The following COQ2 variants were observed in gnomAD, a reference collection of about 807,000 sequenced individuals.
The protein encoded by COQ2 is 4-hydroxybenzoate polyprenyltransferase, mitochondrial.
Under a neutral mutation model 35.7 loss-of-function variants are expected in COQ2, and 25 were observed. That is an observed-to-expected ratio of 0.70 (90% CI 0.51 to 0.98). The LOEUF (loss-of-function observed/expected upper bound fraction) is 0.98. COQ2 is among the 50% of genes least tolerant of loss of function. The pLI is 0.00. For missense variants in COQ2, 488 were observed against 473.5 expected (o/e 1.03, Z -0.28); for synonymous variants, 206 against 186.2 (o/e 1.11, Z -0.86).
chr4:83,264,411 G>A, intron 6 of COQ2, 48 bp from the exon 7 acceptor site: 1 of 1,520,942 alleles, frequency 6.6e-7, no homozygotes, highest in East Asian at 2.5e-5. Context: ...TCTGGACTTT[G>A]GGTCATAACA....
At position 83,270,792 on chromosome 4, in the gene COQ2, G is replaced by A. The variant is rs142869494; in HGVS notation, c.629-799C>T. 4.6e-5 allele frequency among the ~76,000 whole-genome samples: 7 copies of A among 152,256 alleles called. No homozygotes were observed. In the East Asian group the frequency reaches 1.3e-3, roughly 29 times the overall value. ...CCAACTCCTTAAAGATGGTCAGGGT[G>A]TTTTAGTCATTTTTATTTTCCCAGT... is the stretch of plus-strand genomic sequence containing the variant. On this transcript the variant is annotated intron_variant, in intron 4 of 6. Coordinates refer to ENST00000647002, the MANE Select transcript of COQ2 (RefSeq NM_001358921.2).
Position 83,284,701 on chromosome 4 carries a change from G to A in COQ2, c.64C>T (p.Pro22Ser), listed in dbSNP as rs1213572328. 2.0e-6 allele frequency: 3 copies of A among 1,484,846 alleles called. No individual in the cohort carries two copies. The highest frequency in any genetic ancestry group is 4.8e-5 in the Admixed American group (2 of 42,058). 92.0% of individuals were successfully genotyped at this position (1,484,846 alleles called of 1,614,324 possible). The change falls in exon 1 of 7, where the codon CCG becomes TCG. Residue 22 changes from proline (P) to serine (S), a missense_variant. Transcript: ENST00000647002. ...GCGAAGGAGCGGCCCCGCCAGCCCGGCAGCCACGCCAGTGCCACAGCCCGC... is the reference window on the plus strand; with the variant it reads ...GCGAAGGAGCGGCCCCGCCAGCCCGACAGCCACGCCAGTGCCACAGCCCGC... Reference protein sequence around the residue: ...GLRAVALAWLPGWRGRSFALA... With the variant: ...GLRAVALAWLSGWRGRSFALA...
intron 3 of COQ2, among the ~76,000 whole-genome samples, chr4:83,272,737 T>A (rs1735077169): frequency 6.6e-6 from 1 of 152,028 alleles, no homozygotes; most frequent in African/African-American, 2.4e-5. Context: ...ATAATTAGAG[T>A]CAAGATATCC....
At chr4:83,281,099 T>C (rs760386078) in intron 1 of COQ2, among the ~76,000 whole-genome samples, 2 of 152,146 alleles carry the variant, frequency 1.3e-5, no homozygotes, top group African/African-American at 2.4e-5. Flanking sequence ...CATCTTTACA[T>C]AGTAGGTACT....
At chr4:83,281,292 C>T (rs1735314857) in intron 1 of COQ2, 1 of 152,198 alleles carries the variant, frequency 6.6e-6, no homozygotes, top group Non-Finnish European at 1.5e-5. Flanking sequence ...CTATTATTTC[C>T]TGGTACAATT....
upstream of COQ2, chr4:83,284,842 A>C (rs150145464): frequency 4.6e-4 from 721 of 1,554,372 alleles, 5 homozygotes; most frequent in East Asian, 0.016. Flanking sequence ...GCAGGATGCA[A>C]TCCTAGTCTG....
At chr4:83,266,311 C>G (rs528190504) in intron 6 of COQ2, among the ~76,000 whole-genome samples, 2 of 152,112 alleles carry the variant, frequency 1.3e-5, no homozygotes, top group African/African-American at 4.8e-5. Flanking sequence ...TGGCAATAAT[C>G]TGTATAAAAT....
intron 1 of COQ2, 159 bp downstream of exon 1, chr4:83,284,353 G>C (rs1384777303): frequency 9.1e-6 from 9 of 985,206 alleles, no homozygotes; most frequent in Non-Finnish European, 8.4e-6. Context: ...AGTGTCCCGA[G>C]GTGATTCGCC....
chr4:83,282,786 G>T (rs909815616), intron 1 of COQ2: 1 of 152,416 alleles, frequency 6.6e-6, no homozygotes, highest in African/African-American at 2.4e-5. Flanking sequence ...TTTATCCAAG[G>T]TCCCTCAGAT....
At chr4:83,275,847 A>C (rs1735153141) in intron 2 of COQ2, among the ~76,000 whole-genome samples, 1 of 152,012 alleles carries the variant, frequency 6.6e-6, no homozygotes, top group Admixed American at 6.6e-5. Context: ...CATGCTTCAT[A>C]AACTGTTACT....
At chr4:83,271,842 A>C (rs1735054943) in intron 4 of COQ2, among the ~76,000 whole-genome samples, 1 of 151,896 alleles carries the variant, frequency 6.6e-6, no homozygotes, top group Non-Finnish European at 1.5e-5. Context: ...AGTGTAGGGG[A>C]GGGGAGCAGT....
rs369627290 is a variant in COQ2 at position 83,267,738 on chromosome 4, T to G, written c.799A>C (p.Thr267Pro). The part of the protein sequence containing the change: ...RDDVLIGLKS[T>P]ALRFGENTKP... ...GTATTTTCTCCGAACCGCAGAGCCG[T>G]TGACTTAAGACCAATCAAAACATCA... Residue 267 changes from threonine to proline, a missense_variant, in exon 6 of 7, where the codon ACG becomes CCG. Coordinates refer to ENST00000647002, the MANE Select transcript of COQ2 (RefSeq NM_001358921.2). 6.4e-7 allele frequency: 1 copy of G among 1,551,974 alleles called. No individual in the cohort carries two copies.
intron 6 of COQ2, chr4:83,267,246 G>A (rs1166380037): frequency 1.3e-5 from 6 of 450,518 alleles, no homozygotes; most frequent in Non-Finnish European, 2.6e-5. Context: ...GCATGGTGGT[G>A]CATGACTGTA....
In COQ2 at chr4:83,284,737, C is replaced by T. The variant is rs774281822; in HGVS notation, c.28G>A (p.Ala10Thr). MLGSRAAGF[A>T]RGLRAVALAW... ...AGTGCCACAGCCCGCAGGCCCCGCGCGAACCCCGCGGCTCGCGAGCCCAGC... is the reference window on the plus strand; with the variant it reads ...AGTGCCACAGCCCGCAGGCCCCGCGTGAACCCCGCGGCTCGCGAGCCCAGC... Residue 10 changes from alanine (A) to threonine (T), a missense_variant, in exon 1 of 7, where the codon GCG becomes ACG. Coordinates refer to ENST00000647002, the MANE Select transcript of COQ2 (RefSeq NM_001358921.2). 2 of 1,525,574 alleles carry T rather than the reference C, an allele frequency of 1.3e-6. No individual in the cohort carries two copies. Among genetic ancestry groups the T allele is most frequent in the African/African-American group, 2.8e-5 (2 of 70,514 alleles). 94.5% of individuals were successfully genotyped at this position (1,525,574 alleles called of 1,614,324 possible). A position where few individuals can be genotyped will look rare whatever the true frequency, so the allele number is the denominator to read the frequency against.
At chr4:83,273,168 A>G (rs1205140938) in intron 3 of COQ2, among the ~76,000 whole-genome samples, 6 of 73,050 alleles carry the variant, frequency 8.2e-5, no homozygotes, top group African/African-American at 3.2e-4. Flanking sequence ...GTCAACATAA[A>G]TAAAATTATA....
At chr4:83,276,523 G>C (rs1440028248) in intron 2 of COQ2, among the ~76,000 whole-genome samples, 1 of 152,168 alleles carries the variant, frequency 6.6e-6, no homozygotes, top group African/African-American at 2.4e-5. Context: ...ACGCCAGTCA[G>C]AATGGCTATT....
At chr4:83,271,114 G>T (rs552873554) in intron 4 of COQ2, among the ~76,000 whole-genome samples, 133 of 152,222 alleles carry the variant, frequency 8.7e-4, no homozygotes, top group African/African-American at 3.0e-3. Context: ...AGAAAAGTCT[G>T]GGAATAGATA....
At chr4:83,265,750 G>A (rs1734903148) in intron 6 of COQ2, among the ~76,000 whole-genome samples, 1 of 151,752 alleles carries the variant, frequency 6.6e-6, no homozygotes, top group Non-Finnish European at 1.5e-5. Context: ...TGTAACCTCT[G>A]CCTCCCAGGT....
chr4:83,284,798 C>T lies in COQ2; in HGVS notation c.-34G>A. ...TGAGGCCGGGACGAGCTCGGATTGACGTCATTCCCCGGCAGGCATGCGCAG... is the reference window on the plus strand; with the variant it reads ...TGAGGCCGGGACGAGCTCGGATTGATGTCATTCCCCGGCAGGCATGCGCAG... On this transcript the variant is annotated 5_prime_UTR_variant, in exon 1 of 7. Transcript: ENST00000647002. 1.9e-6 allele frequency: 3 copies of T among 1,569,736 alleles called. No individual in the cohort carries two copies. Among genetic ancestry groups the T allele is most frequent in the East Asian group, 2.4e-5 (1 of 42,478 alleles).
Sources: gnomAD v4.1 joint callset for allele counts (sites outside exome capture counted in the v4.1 genomes callset) on GRCh38, gnomAD v4.1.1 for gene constraint, MANE v1.5 for transcripts, NCBI Gene and HGNC (gene_info 2026-07-23, HGNC 2026-07-21) for gene names.